The following ROBO2 variants were observed in gnomAD, a reference collection of about 807,000 sequenced individuals.
ROBO2 encodes the protein roundabout homolog 2.
A neutral mutation model predicts 160.8 loss-of-function variants in ROBO2; 53 were observed. That is an observed-to-expected ratio of 0.33 (90% CI 0.26 to 0.41). The LOEUF is 0.41. Ranked by LOEUF, ROBO2 falls within the 10% of genes least tolerant of loss-of-function variation. The pLI is 1.00. For synonymous variants in ROBO2, 664 were observed against 611.7 expected, an observed-to-expected ratio of 1.09 and a Z score of -1.26; for missense variants, 1,577 against 1,722.4, an observed-to-expected ratio of 0.92 and a Z score of 1.49.
intron 2 of ROBO2, among the ~76,000 whole-genome samples, chr3:76,899,159 A>T (rs1365631493): frequency 6.6e-6 from 1 of 152,148 alleles, no homozygotes; most frequent in Non-Finnish European, 1.5e-5. Context: ...ATAAAACCAG[A>T]TTTATTTTTC....
intron 2 of ROBO2, among the ~76,000 whole-genome samples, chr3:76,320,100 A>C (rs1418007419): frequency 6.6e-6 from 1 of 152,152 alleles, no homozygotes; most frequent in Non-Finnish European, 1.5e-5. Context: ...TAAGCCTATC[A>C]TATTTGCTTC....
chr3:76,464,213 T>A (rs556205045), intron 2 of ROBO2, among the ~76,000 whole-genome samples: 3 of 152,254 alleles, frequency 2.0e-5, no homozygotes, highest in South Asian at 4.1e-4. Context: ...GCATACAAAT[T>A]TTCTTTCATA....
chr3:77,170,781 A>G (rs951769985), intron 2 of ROBO2, among the ~76,000 whole-genome samples: 2 of 152,298 alleles, frequency 1.3e-5, no homozygotes, highest in Admixed American at 6.5e-5. Context: ...TATTAATGAC[A>G]TTAAAAATAA....
intron 2 of ROBO2, among the ~76,000 whole-genome samples, chr3:77,438,765 G>A (rs915657490): frequency 1.3e-4 from 20 of 152,026 alleles, no homozygotes; most frequent in Middle Eastern, 3.2e-3. Flanking sequence ...GACCCACAGG[G>A]TGTTGCTTCC....
chr3:76,477,607 T>C (rs2107238943), intron 2 of ROBO2, among the ~76,000 whole-genome samples: 1 of 152,240 alleles, frequency 6.6e-6, no homozygotes, highest in South Asian at 2.1e-4. Flanking sequence ...TAATAACATG[T>C]CCATTTTTAA....
chr3:77,510,895 C>G (rs965180904), intron 5 of ROBO2, among the ~76,000 whole-genome samples: 2 of 152,014 alleles, frequency 1.3e-5, no homozygotes, highest in East Asian at 3.9e-4. Flanking sequence ...CTTCCTCCGC[C>G]TTTACTCCAG....
At chr3:76,010,169 A>C (rs998872956) in intron 2 of ROBO2, among the ~76,000 whole-genome samples, 3 of 152,226 alleles carry the variant, frequency 2.0e-5, no homozygotes, top group African/African-American at 7.2e-5. Flanking sequence ...CTTAGTCCAG[A>C]GGACAGTGGT....
rs1204142845 is a variant in ROBO2 at position 77,098,063 on chromosome 3, T to G, written c.111T>G (p.Pro37=). ...TTCCCCCGCGGATTGTGGAGCATCCTTCCGATGTCATCGTCTCTAAGGGCG... is the reference window on the plus strand; with the variant it reads ...TTCCCCCGCGGATTGTGGAGCATCCGTCCGATGTCATCGTCTCTAAGGGCG... The change falls in exon 2 of 26, where the codon CCT becomes CCG. Residue 37 remains proline, a synonymous_variant. Coordinates refer to ENST00000461745, the Ensembl canonical transcript of ROBO2. The G allele has an allele frequency of 1.1e-5, 18 of 1,599,024 alleles. No homozygotes were observed. The highest frequency in any genetic ancestry group is 1.5e-5 in the Non-Finnish European group (17 of 1,167,726).
chr3:77,065,773 G>C (rs2066775573), intron 1 of ROBO2, among the ~76,000 whole-genome samples: 1 of 152,028 alleles, frequency 6.6e-6, no homozygotes, highest in African/African-American at 2.4e-5. Flanking sequence ...TTTGAAAATA[G>C]TGCCTCATGC....
chr3:76,507,311 A>G (rs1464919481), intron 2 of ROBO2, among the ~76,000 whole-genome samples: 1 of 152,084 alleles, frequency 6.6e-6, no homozygotes, highest in Admixed American at 6.6e-5. Flanking sequence ...TTATTTATGA[A>G]ATTTGATTAG....
intron 16 of ROBO2, among the ~76,000 whole-genome samples, chr3:77,582,562 G>T (rs553367489): frequency 2.0e-5 from 3 of 152,178 alleles, no homozygotes; most frequent in South Asian, 2.1e-4. Flanking sequence ...ATGAGAAAGG[G>T]TTAGTATTTT....
At chr3:77,028,892 A>G (rs940361683) in intron 2 of ROBO2, among the ~76,000 whole-genome samples, 1 of 152,140 alleles carries the variant, frequency 6.6e-6, no homozygotes. Flanking sequence ...AAACCACTAT[A>G]TCCTTCTTTC....
intron 2 of ROBO2, among the ~76,000 whole-genome samples, chr3:77,175,701 G>A (rs2080088782): frequency 6.6e-6 from 1 of 151,992 alleles, no homozygotes. Flanking sequence ...AGCTGGGATA[G>A]TCATAGATCA....
At chr3:77,541,776 C>T (rs2092472388) in intron 6 of ROBO2, among the ~76,000 whole-genome samples, 1 of 152,176 alleles carries the variant, frequency 6.6e-6, no homozygotes, top group Non-Finnish European at 1.5e-5. Context: ...CCAATGCTTT[C>T]AGGTTTTAGA....
At chr3:76,812,784 A>G (rs890196467) in intron 2 of ROBO2, among the ~76,000 whole-genome samples, 1 of 152,088 alleles carries the variant, frequency 6.6e-6, no homozygotes, top group African/African-American at 2.4e-5. Context: ...TGCAACTGTG[A>G]AAGACATAGA....
At chr3:77,188,491 A>G (rs1463306524) in intron 2 of ROBO2, among the ~76,000 whole-genome samples, 1 of 151,774 alleles carries the variant, frequency 6.6e-6, no homozygotes, top group African/African-American at 2.4e-5. Context: ...ATGGGACTGC[A>G]TTGCTTCCTG....
intron 2 of ROBO2, among the ~76,000 whole-genome samples, chr3:77,240,244 C>T (rs2151361017): frequency 6.6e-6 from 1 of 152,262 alleles, no homozygotes; most frequent in African/African-American, 2.4e-5. Flanking sequence ...AGGGAGGCAG[C>T]TGAGACCCGG....
At chr3:76,891,152 C>T (rs2074316368) in intron 2 of ROBO2, among the ~76,000 whole-genome samples, 1 of 152,008 alleles carries the variant, frequency 6.6e-6, no homozygotes, top group Non-Finnish European at 1.5e-5. Flanking sequence ...CTTTACATTT[C>T]TCATGATTGA....
At chr3:76,174,385 A>G (rs914585229) in intron 2 of ROBO2, among the ~76,000 whole-genome samples, 9 of 152,002 alleles carry the variant, frequency 5.9e-5, no homozygotes, top group Admixed American at 4.6e-4. Context: ...CCATTTGTCA[A>G]TTTTGTCTTT....
Sources: allele counts gnomAD v4.1 joint callset (sites outside exome capture counted in the v4.1 genomes callset), GRCh38; gene constraint gnomAD v4.1.1; transcripts MANE v1.5; gene names NCBI Gene and HGNC (gene_info 2026-07-23, HGNC 2026-07-21).